Variants in LRIG1 observed in about 807,000 individuals in gnomAD.
LRIG1 encodes leucine-rich repeats and immunoglobulin-like domains protein 1.
LRIG1 carries 48 observed loss-of-function variants against 99.2 expected under a neutral mutation model. The ratio of observed to expected loss-of-function variants is 0.48; its 90% CI spans 0.38 to 0.62. The LOEUF is 0.62. LRIG1 is among the 20% of genes least tolerant of loss of function. LRIG1 has a pLI of 0.00. For missense variants in LRIG1, 1,646 were observed against 1,434.4 expected (o/e 1.15, Z -2.38); for synonymous variants, 772 against 596.1 (o/e 1.29, Z -4.30).
chr3:66,466,076 G>A (rs1363516494), intron 1 of LRIG1, among the ~76,000 whole-genome samples: 1 of 152,170 alleles, frequency 6.6e-6, no homozygotes, highest in Non-Finnish European at 1.5e-5. Context: ...CTGTCACCCA[G>A]GCTGGAATGC....
chr3:66,421,481 G>A (rs1428523000), intron 3 of LRIG1, among the ~76,000 whole-genome samples: 1 of 152,112 alleles, frequency 6.6e-6, no homozygotes, highest in South Asian at 2.1e-4. Context: ...AAATCCAGCG[G>A]GGCAGTCATG....
At chr3:66,440,907 G>A (rs897609074) in intron 3 of LRIG1, among the ~76,000 whole-genome samples, 12 of 152,184 alleles carry the variant, frequency 7.9e-5, no homozygotes, top group African/African-American at 2.9e-4. Flanking sequence ...TGGATACAGA[G>A]CCTTCTCTTA....
Position 66,380,802 on chromosome 3 carries a change from C to CAA in LRIG1, c.2829_2830insTT (p.Gly944LeufsTer62), listed in dbSNP as rs1410777970. On this transcript the variant is annotated frameshift_variant, in exon 18 of 19. Coordinates refer to ENST00000273261, the MANE Select transcript of LRIG1 (RefSeq NM_015541.3). LOFTEE classifies it high-confidence loss of function. Reference sequence around the variant, plus strand: ...ACAGGCTGGGGGTGGAAGGCTTGTCCCCTGGAGTAACAGTCCACTTCGGTG... The same window carrying CAA: ...ACAGGCTGGGGGTGGAAGGCTTGTCCAACCTGGAGTAACAGTCCACTTCGGTG... 1.2e-6 allele frequency: 2 copies of CAA among 1,614,178 alleles called. No homozygotes were observed. Among genetic ancestry groups the CAA allele is most frequent in the South Asian group, 2.2e-5 (2 of 91,082 alleles).
At chr3:66,454,554 C>T (rs931763133) in intron 2 of LRIG1, among the ~76,000 whole-genome samples, 4 of 152,280 alleles carry the variant, frequency 2.6e-5, no homozygotes, top group East Asian at 3.9e-4. Flanking sequence ...AATTTACTTC[C>T]ATCCAAGGCC....
In LRIG1 at chr3:66,382,324, C is replaced by T. The variant is rs147267806; in HGVS notation, c.2566G>A (p.Val856Met). The T allele has an allele frequency of 3.0e-5, 49 of 1,614,072 alleles. No individual in the cohort carries two copies. Among genetic ancestry groups the T allele is most frequent in the Middle Eastern group, 3.3e-4 (2 of 6,084 alleles). The change falls in exon 16 of 19, where the codon GTG (valine) becomes ATG (methionine). Residue 856 changes from valine to methionine, a missense_variant. Transcript: ENST00000273261. ...QGTLSDRQET[V>M]VRTEGGPQAN... ...TGAGGGCCACCCTCGGTCCTGACCACGGTTTCTTGTCGGTCAGAAAGGGTC... is the reference window on the plus strand; with the variant it reads ...TGAGGGCCACCCTCGGTCCTGACCATGGTTTCTTGTCGGTCAGAAAGGGTC...
chr3:66,458,880 G>A (rs569358873), intron 2 of LRIG1, among the ~76,000 whole-genome samples: 6 of 152,034 alleles, frequency 3.9e-5, no homozygotes, highest in East Asian at 3.9e-4. Flanking sequence ...AGCTGGGCAC[G>A]GTTGCAGGCA....
chr3:66,380,977 T>C, intron 17 of LRIG1, 116 bp from the exon 18 acceptor site: 2 of 997,598 alleles, frequency 2.0e-6, no homozygotes, highest in East Asian at 2.5e-5. Flanking sequence ...CTGCAAACAC[T>C]GTATGCATGC....
At chr3:66,446,256 TCTTCACTCACCCC>T (rs1703718202) in intron 3 of LRIG1, among the ~76,000 whole-genome samples, 1 of 151,992 alleles carries the variant, frequency 6.6e-6, no homozygotes, top group Non-Finnish European at 1.5e-5. Context: ...CTTCGTCCAC[TCTTCACTCACCCC>T]CGGGGAAGGG....
intron 2 of LRIG1, among the ~76,000 whole-genome samples, chr3:66,459,465 T>A (rs1700308027): frequency 6.6e-6 from 1 of 152,218 alleles, no homozygotes; most frequent in African/African-American, 2.4e-5. Context: ...CTCAGCCTGT[T>A]CCCTTCTTGA....
chr3:66,425,374 A>G (rs1281913082), intron 3 of LRIG1, among the ~76,000 whole-genome samples: 2 of 152,254 alleles, frequency 1.3e-5, no homozygotes, highest in African/African-American at 2.4e-5. Context: ...CTGTGTGAGA[A>G]GCAAATGTGC....
Position 66,384,272 on chromosome 3 carries a change from A to C in LRIG1, c.1790T>G (p.Val597Gly). ...YSHKARLTVN[V>G]LPSFTKTPHD... ...GGGCGTTTTGGTGAATGATGGCAAC[A>C]CTGGAAAACATACGTATACAGGGTC... The change falls in exon 14 of 19, where the codon GTG becomes GGG. Residue 597 changes from valine (V) to glycine (G), a missense_variant and splice_region_variant. Val to Gly is a moderately radical substitution (Grantham distance 109). Transcript: ENST00000273261. 6.2e-7 allele frequency: 1 copy of C among 1,610,108 alleles called. No individual in the cohort carries two copies. The highest frequency in any genetic ancestry group is 8.5e-7 in the Non-Finnish European group (1 of 1,176,718).
chr3:66,402,549 T>C (rs1021385146), intron 9 of LRIG1, among the ~76,000 whole-genome samples: 8 of 151,968 alleles, frequency 5.3e-5, no homozygotes, highest in African/African-American at 1.9e-4. Flanking sequence ...GTCTGACCTC[T>C]TGCATGGTGG....
chr3:66,383,232 G>A lies in LRIG1; in HGVS notation c.2241C>T (p.Leu747=), dbSNP rs768293771. ...ERHHLTPDNQ[L]LVVQNVVAED... The stretch of plus-strand genomic sequence containing the variant: ...CTGCCACCACGTTCTGAACCACCAG[G>A]AGCTGGTTGTCAGGGGTCAAGTGGT... Residue 747 remains leucine, a synonymous_variant, in exon 15 of 19, where the codon CTC becomes CTT. Transcript: ENST00000273261. 5 of 1,614,218 alleles carry A rather than the reference G, an allele frequency of 3.1e-6. No individual in the cohort carries two copies. The highest frequency in any genetic ancestry group is 4.2e-6 in the Non-Finnish European group (5 of 1,180,034).
chr3:66,469,548 T>A (rs1162072217), intron 1 of LRIG1, among the ~76,000 whole-genome samples: 1 of 152,214 alleles, frequency 6.6e-6, no homozygotes, highest in Non-Finnish European at 1.5e-5. Context: ...ACCTCTGTGA[T>A]CCCATAAGGT....
chr3:66,483,772 G>C (rs1700904280), intron 1 of LRIG1, among the ~76,000 whole-genome samples: 1 of 152,214 alleles, frequency 6.6e-6, no homozygotes, highest in South Asian at 2.1e-4. Context: ...GAGCAGATGA[G>C]AGACCATGTC....
chr3:66,433,165 C>T (rs778220179), intron 3 of LRIG1, among the ~76,000 whole-genome samples: 8 of 152,212 alleles, frequency 5.3e-5, no homozygotes, highest in South Asian at 2.1e-4. Flanking sequence ...AACTTGTTCG[C>T]TCATTGCTTA....
At chr3:66,414,269 T>C (rs758042191) in intron 5 of LRIG1, among the ~76,000 whole-genome samples, 129 of 152,112 alleles carry the variant, frequency 8.5e-4, no homozygotes, top group Non-Finnish European at 1.4e-3. Flanking sequence ...TGGTGGTGGG[T>C]GCCTGTAGTC....
chr3:66,489,786 C>T (rs987948745), intron 1 of LRIG1, among the ~76,000 whole-genome samples: 3 of 152,182 alleles, frequency 2.0e-5, no homozygotes, highest in South Asian at 2.1e-4. Context: ...GAAACCCCAA[C>T]GTCTCCTGAG....
chr3:66,482,125 C>T (rs1018407447), intron 1 of LRIG1, among the ~76,000 whole-genome samples: 1 of 152,214 alleles, frequency 6.6e-6, no homozygotes, highest in Non-Finnish European at 1.5e-5. Context: ...CTGCAGAAGG[C>T]TGCAGCAGTA....
Sources: gnomAD v4.1 joint callset for allele counts (sites outside exome capture counted in the v4.1 genomes callset) on GRCh38, gnomAD v4.1.1 for gene constraint, MANE v1.5 for transcripts, NCBI Gene and HGNC (gene_info 2026-07-23, HGNC 2026-07-21) for gene names.